SLCO1B3: variants seen among roughly 807,000 people sequenced by gnomAD.
SLCO1B3 encodes liver-specific organic anion transporter 2.
In SLCO1B3, 72 loss-of-function variants were observed where a neutral mutation model predicts 71.8. The observed-to-expected ratio is 1.00, with a 90% confidence interval of 0.83 to 1.22. The LOEUF is 1.22. SLCO1B3 is among the 50% of genes most tolerant of loss of function. SLCO1B3 has a pLI of 0.00. For missense variants in SLCO1B3, 911 were observed against 819.7 expected, an observed-to-expected ratio of 1.11 and a Z score of -1.36; for synonymous variants, 298 against 278.4, an observed-to-expected ratio of 1.07 and a Z score of -0.70.
chr12:20,858,431 T>C lies in SLCO1B3; in HGVS notation c.227-8T>C, dbSNP rs757413312. 1.9e-6 allele frequency: 3 copies of C among 1,574,362 alleles called. No homozygotes were observed. The highest frequency in any genetic ancestry group is 4.5e-5 in the East Asian group (2 of 44,554). ...AGTCATATCAACATAATTTTGTTTT[T>C]TTTCTAGGAAATTTGCTTGTGATTG... is the stretch of plus-strand genomic sequence containing the variant. On this transcript the variant is annotated splice_region_variant and splice_polypyrimidine_tract_variant and intron_variant, in intron 4 of 15. Coordinates refer to ENST00000381545, the MANE Select transcript of SLCO1B3 (RefSeq NM_019844.4).
intron 15 of SLCO1B3, among the ~76,000 whole-genome samples, chr12:20,907,558 G>A (rs2417884): frequency 0.013 from 1,871 of 146,964 alleles, 27 homozygotes; most frequent in Middle Eastern, 0.045. Flanking sequence ...ATCCAGGCTG[G>A]AGTGCAGTAG....
intron 3 of SLCO1B3, among the ~76,000 whole-genome samples, chr12:20,821,241 C>T (rs746781635): frequency 7.2e-5 from 11 of 151,954 alleles, no homozygotes; most frequent in African/African-American, 1.5e-4. Context: ...ACCATTTGCC[C>T]GTTTTACGAC....
At chr12:20,860,695 G>C (rs537743732) in intron 5 of SLCO1B3, among the ~76,000 whole-genome samples, 1 of 150,376 alleles carries the variant, frequency 6.6e-6, no homozygotes, top group Non-Finnish European at 1.5e-5. Context: ...GGGATAAATA[G>C]ACATAGTTAA....
chr12:20,834,271 T>A (rs1456404800), intron 3 of SLCO1B3, among the ~76,000 whole-genome samples: 2 of 128,916 alleles, frequency 1.6e-5, no homozygotes, highest in African/African-American at 2.6e-5. Flanking sequence ...TACATAGTCT[T>A]CATATACATG....
chr12:20,889,381 T>A (rs1865857325), intron 13 of SLCO1B3, among the ~76,000 whole-genome samples: 1 of 152,110 alleles, frequency 6.6e-6, no homozygotes, highest in Non-Finnish European at 1.5e-5. Flanking sequence ...ATTTAATTGC[T>A]CATTATTGGT....
At chr12:20,859,430 A>G (rs1277768839) in intron 5 of SLCO1B3, among the ~76,000 whole-genome samples, 1 of 152,106 alleles carries the variant, frequency 6.6e-6, no homozygotes, top group Non-Finnish European at 1.5e-5. Flanking sequence ...AGAGACACCA[A>G]TTCCTTAATG....
chr12:20,847,918 C>G (rs1864949605), intron 3 of SLCO1B3, among the ~76,000 whole-genome samples: 1 of 151,998 alleles, frequency 6.6e-6, no homozygotes, highest in East Asian at 1.9e-4. Context: ...AGTAAAAAAA[C>G]TGAAAGAAAT....
In SLCO1B3 at chr12:20,878,396, C is replaced by A. The variant is rs369618223; in HGVS notation, c.1135+460C>A. ...CAATTTAAATACATTACAAAATATG[C>A]ATGATTCAAAACAAATGTCATATTT... On this transcript the variant is annotated intron_variant, in intron 10 of 15. Coordinates refer to ENST00000381545, the MANE Select transcript of SLCO1B3 (RefSeq NM_019844.4). Among the ~76,000 whole-genome samples, 25 of 152,130 alleles carry A rather than the reference C, an allele frequency of 1.6e-4. No homozygotes were observed. In the South Asian group the frequency reaches 5.2e-3, roughly 32 times the overall value.
At position 20,875,389 on chromosome 12, in the gene SLCO1B3, A is replaced by C; in HGVS notation, c.882A>C (p.Leu294=). ...NKPQKERKIS[L]SLHVLKTNDD... ...CACAAAAAGAAAGAAAAATTTCACT[A>C]TCATTGCATGTGCTGAAAACAAATG... The change falls in exon 9 of 16, where the codon CTA becomes CTC. Residue 294 remains leucine (L), a synonymous_variant. Coordinates refer to ENST00000381545, the MANE Select transcript of SLCO1B3 (RefSeq NM_019844.4). 6.2e-7 allele frequency: 1 copy of C among 1,611,858 alleles called. No homozygotes were observed. The highest frequency in any genetic ancestry group is 8.5e-7 in the Non-Finnish European group (1 of 1,179,172).
intron 8 of SLCO1B3, among the ~76,000 whole-genome samples, chr12:20,869,126 A>G (rs919320031): frequency 6.6e-6 from 1 of 152,012 alleles, no homozygotes; most frequent in Non-Finnish European, 1.5e-5. Context: ...AGTCTTTTCT[A>G]AACTCCCCCG....
intron 10 of SLCO1B3, 36 bp downstream of exon 10, chr12:20,877,972 G>T: frequency 1.4e-6 from 2 of 1,392,440 alleles, no homozygotes; most frequent in Non-Finnish European, 2.0e-6. Context: ...CTTGATAAAT[G>T]AAACACTGCT....
intron 13 of SLCO1B3, among the ~76,000 whole-genome samples, chr12:20,884,596 G>T (rs1446111254): frequency 6.6e-6 from 1 of 152,040 alleles, no homozygotes; most frequent in Non-Finnish European, 1.5e-5. Flanking sequence ...GATAATGTGT[G>T]CCCTACTGGC....
intron 3 of SLCO1B3, among the ~76,000 whole-genome samples, chr12:20,817,734 C>T (rs559208507): frequency 6.6e-6 from 1 of 151,804 alleles, no homozygotes; most frequent in Admixed American, 6.6e-5. Context: ...ACTACAGGCA[C>T]CCGCCACCAC....
At chr12:20,914,472 C>CA (rs1392248526) in intron 15 of SLCO1B3, among the ~76,000 whole-genome samples, 6 of 152,024 alleles carry the variant, frequency 3.9e-5, no homozygotes, top group African/African-American at 7.2e-5. Flanking sequence ...TGTAAGCATA[C>CA]ATACACATAT....
chr12:20,828,635 A>C (rs1245277467), intron 3 of SLCO1B3, among the ~76,000 whole-genome samples: 1 of 150,310 alleles, frequency 6.7e-6, no homozygotes, highest in East Asian at 1.9e-4. Context: ...GCATAAAGGC[A>C]CACACACACA....
intron 13 of SLCO1B3, among the ~76,000 whole-genome samples, chr12:20,897,378 T>C (rs1461912194): frequency 1.3e-5 from 2 of 152,224 alleles, no homozygotes; most frequent in African/African-American, 4.8e-5. Context: ...GGCAAATATG[T>C]GTACATGAAA....
chr12:20,817,596 ATTT>A (rs1160014514), intron 3 of SLCO1B3, among the ~76,000 whole-genome samples: 1 of 150,926 alleles, frequency 6.6e-6, no homozygotes, highest in Non-Finnish European at 1.5e-5. Context: ...CTATAGTATA[ATTT>A]TTTTTTGAGA....
intron 3 of SLCO1B3, among the ~76,000 whole-genome samples, chr12:20,832,419 C>G (rs1430476794): frequency 6.6e-6 from 1 of 152,078 alleles, no homozygotes; most frequent in Non-Finnish European, 1.5e-5. Context: ...CTTCATTACA[C>G]TTGTCTTTTC....
chr12:20,844,231 A>T (rs1398804389), intron 3 of SLCO1B3, among the ~76,000 whole-genome samples: 1 of 152,074 alleles, frequency 6.6e-6, no homozygotes, highest in Non-Finnish European at 1.5e-5. Context: ...AGTTATATAA[A>T]GATACCTTAC....
Sources: gnomAD v4.1 joint callset for allele counts (sites outside exome capture counted in the v4.1 genomes callset) on GRCh38, gnomAD v4.1.1 for gene constraint, MANE v1.5 for transcripts, NCBI Gene and HGNC (gene_info 2026-07-23, HGNC 2026-07-21) for gene names.